CEACAM20: variants seen among roughly 807,000 people sequenced by gnomAD.
The protein encoded by CEACAM20 is cell adhesion molecule CEACAM20.
CEACAM20 carries 50 observed loss-of-function variants against 61.2 expected under a neutral mutation model. The observed-to-expected ratio is 0.82, with a 90% CI of 0.65 to 1.03. The LOEUF (loss-of-function observed/expected upper bound fraction) is 1.03, where lower values mean the gene tolerates loss of function less well. Among genes scored for constraint, CEACAM20 ranks in the 50% least tolerant of loss-of-function variants. The pLI is 0.00. For missense variants in CEACAM20, 683 were observed against 736.4 expected (o/e 0.93, Z 0.84); for synonymous variants, 282 against 287.7 (o/e 0.98, Z 0.20).
chr19:44,527,199 TG>T (rs1971556339), intron 1 of CEACAM20, among the ~76,000 whole-genome samples: 1 of 152,164 alleles, frequency 6.6e-6, no homozygotes, highest in African/African-American at 2.4e-5. Context: ...ATCTGGTGGT[TG>T]TGAAGGCTGA....
intron 11 of CEACAM20, among the ~76,000 whole-genome samples, chr19:44,510,634 G>GAA (rs1970967691): frequency 6.9e-6 from 1 of 145,624 alleles, no homozygotes; most frequent in Non-Finnish European, 1.5e-5. Context: ...AAGAAAGAAA[G>GAA]AGAAGAAAGA....
chr19:44,511,534 G>T, intron 10 of CEACAM20, 103 bp downstream of exon 10: 1 of 1,190,116 alleles, frequency 8.4e-7, no homozygotes, highest in Non-Finnish European at 1.2e-6. Context: ...GATGTGCCAT[G>T]AAATGTTTAG....
rs767634070 is a variant in CEACAM20 at position 44,517,021 on chromosome 19, C to T, written c.1234G>A (p.Gly412Arg). Reference sequence around the variant, plus strand: ...TTGGAGGCTGTGCAGTTGTAGATCCCGTCGTGTTCCCAGGTCAGAGCCCTG... The same window carrying T: ...TTGGAGGCTGTGCAGTTGTAGATCCTGTCGTGTTCCCAGGTCAGAGCCCTG... ...IIRALTWEHD[G>R]IYNCTASNSL... is the part of the protein sequence containing the mutation. Residue 412 changes from glycine to arginine, a missense_variant, in exon 6 of 12, where the codon GGG (glycine) becomes AGG (arginine). Gly to Arg is a moderately radical substitution (Grantham distance 125). Transcript: ENST00000614924. 4.0e-5 allele frequency: 64 copies of T among 1,596,702 alleles called. No individual in the cohort carries two copies. Among genetic ancestry groups the T allele is most frequent in the African/African-American group, 5.4e-5 (4 of 74,658 alleles).
In CEACAM20 at chr19:44,510,508, G is replaced by C. The variant is rs28673570; in HGVS notation, c.1737+522C>G. On this transcript the variant is annotated intron_variant, in intron 11 of 11. Coordinates refer to ENST00000614924, the MANE Select transcript of CEACAM20 (RefSeq NM_001102597.3). ...AGTCTGGGTGATGGAGCAAGACCCTGTCTCAAAAAAAAAAAGAAAGATGAA... is the reference window on the plus strand; with the variant it reads ...AGTCTGGGTGATGGAGCAAGACCCTCTCTCAAAAAAAAAAAGAAAGATGAA... Among the ~76,000 whole-genome samples, 719 of 127,492 alleles carry C rather than the reference G, an allele frequency of 5.6e-3. 12 individuals carry two copies. The highest frequency in any genetic ancestry group is 0.019 in the African/African-American group (679 of 35,254). 83.6% of individuals were successfully genotyped at this position (127,492 alleles called of 152,430 possible).
intron 5 of CEACAM20, among the ~76,000 whole-genome samples, chr19:44,518,103 A>AAAGAAAGAAAGAAAGG (rs1971232127): frequency 2.3e-5 from 1 of 42,870 alleles, no homozygotes; most frequent in African/African-American, 8.5e-5. Flanking sequence ...AGAAAGAAAG[A>AAAGAAAGAAAGAAAGG]AAGGAAGGAA....
chr19:44,511,159 C>A lies in CEACAM20; in HGVS notation c.1612-4G>T. ...GGCTTGCTGAAGGCAGCTTCGTCTG[C>A]AAGTAAGCAGAGAAATTAGGCAGGG... On this transcript the variant is annotated splice_polypyrimidine_tract_variant and splice_region_variant and intron_variant, in intron 10 of 11. Coordinates refer to ENST00000614924, the MANE Select transcript of CEACAM20 (RefSeq NM_001102597.3). The A allele has an allele frequency of 1.9e-6, 3 of 1,613,326 alleles. No homozygotes were observed. Among genetic ancestry groups the A allele is most frequent in the Non-Finnish European group, 2.5e-6 (3 of 1,179,676 alleles).
At chr19:44,527,045 C>G (rs1044401710) in intron 1 of CEACAM20, among the ~76,000 whole-genome samples, 2 of 152,172 alleles carry the variant, frequency 1.3e-5, no homozygotes, top group Non-Finnish European at 2.9e-5. Flanking sequence ...ATTCCCTGCC[C>G]AGTGAGTGAA....
rs1408442342 is a variant in CEACAM20 at position 44,525,184 on chromosome 19, G to A, written c.113C>T (p.Pro38Leu). Residue 38 changes from proline (P) to leucine (L), a missense_variant, in exon 2 of 12, where the codon CCA becomes CTA. Pro to Leu is a moderately conservative substitution (Grantham distance 98). Coordinates refer to ENST00000614924, the MANE Select transcript of CEACAM20 (RefSeq NM_001102597.3). ...ATCCTCACTTTGGGTGGCATCAAGT[G>A]GGTTGGCATTGAGGGTGAGCTGGGC... ...AAAQLTLNAN[P>L]LDATQSEDVV... 6.2e-7 allele frequency: 1 copy of A among 1,610,290 alleles called. No homozygotes were observed. The highest frequency in any genetic ancestry group is 1.3e-5 in the African/African-American group (1 of 74,600).
At chr19:44,524,881 C>T (rs570448676) in intron 2 of CEACAM20, among the ~76,000 whole-genome samples, 1 of 151,810 alleles carries the variant, frequency 6.6e-6, no homozygotes, top group African/African-American at 2.4e-5. Flanking sequence ...GCACCCAGCC[C>T]CCCTACCCAC....
At chr19:44,528,806 CCT>C (rs1971617069) in intron 1 of CEACAM20, among the ~76,000 whole-genome samples, 1 of 149,388 alleles carries the variant, frequency 6.7e-6, no homozygotes, top group Non-Finnish European at 1.5e-5. Context: ...TCTCTCTCTG[CCT>C]CTGTCACTCT....
At chr19:44,526,811 T>C (rs746256710) in intron 1 of CEACAM20, among the ~76,000 whole-genome samples, 1 of 144,416 alleles carries the variant, frequency 6.9e-6, no homozygotes, top group Non-Finnish European at 1.5e-5. Context: ...GAGGAAGAGG[T>C]TGTCGTGAGC....
At position 44,528,956 on chromosome 19, in the gene CEACAM20, C is replaced by CTTTTTTTT. The variant is rs71171255; in HGVS notation, c.52+494_52+501dup. 2.3e-3 allele frequency among the ~76,000 whole-genome samples: 216 copies of CTTTTTTTT among 92,604 alleles called. 3 individuals are homozygous for CTTTTTTTT. Among genetic ancestry groups the CTTTTTTTT allele is most frequent in the Non-Finnish European group, 3.4e-3 (171 of 50,618 alleles). The allele number at this position is 92,604 out of a possible 152,430, so 60.8% of individuals were successfully genotyped here. On this transcript the variant is annotated intron_variant, in intron 1 of 11. Transcript: ENST00000614924. ...TATTTCTGTATTTCTCTCTTTCTTT[C>CTTTTTTTT]TTTTTTTTTTTTTTTTTTTTGAGAC...
intron 6 of CEACAM20, among the ~76,000 whole-genome samples, chr19:44,515,637 G>A (rs1053715286): frequency 1.1e-4 from 17 of 152,122 alleles, no homozygotes; most frequent in Admixed American, 1.1e-3. Flanking sequence ...ATATGGGAAA[G>A]TTGGATTCAG....
In CEACAM20 at chr19:44,517,359, A is replaced by G. The variant is rs146906576; in HGVS notation, c.1031-135T>C. The G allele has an allele frequency of 3.3e-5, 38 of 1,139,982 alleles. 1 individual carries two copies. In the African/African-American group the frequency reaches 4.0e-4, roughly 12 times the overall value. The allele number at this position is 1,139,982 out of a possible 1,614,324, so 70.6% of individuals were successfully genotyped here. A position where few individuals can be genotyped will look rare whatever the true frequency, so the allele number is the denominator to read the frequency against. On this transcript the variant is annotated intron_variant, in intron 5 of 11. Coordinates refer to ENST00000614924, the MANE Select transcript of CEACAM20 (RefSeq NM_001102597.3). ...CCTTTTCCTCCTTAGCTCTCTGACA[A>G]GCAGAGTGTGGTCCACAACACTGGG... is the stretch of plus-strand genomic sequence containing the variant.
At chr19:44,527,287 A>G (rs904946668) in intron 1 of CEACAM20, among the ~76,000 whole-genome samples, 4 of 140,504 alleles carry the variant, frequency 2.8e-5, no homozygotes, top group Non-Finnish European at 4.7e-5. Flanking sequence ...GATGATGATG[A>G]TGGTGGTGGT....
In CEACAM20 at chr19:44,525,089, T is replaced by G. The variant is rs369468551; in HGVS notation, c.196+12A>C. On this transcript the variant is annotated intron_variant, in intron 2 of 11. Coordinates refer to ENST00000614924, the MANE Select transcript of CEACAM20 (RefSeq NM_001102597.3). ...AGAGATCAGAATGACCGTCTTGTTT[T>G]CTGGCCCCTACCTCTGGATCTGCCA... 1,016 of 1,609,334 alleles carry G rather than the reference T, an allele frequency of 6.3e-4. 6 individuals are homozygous for G. In the African/African-American group the frequency reaches 0.012, roughly 19 times the overall value.
chr19:44,522,791 G>A lies in CEACAM20; in HGVS notation c.594C>T (p.Ala198=). Residue 198 remains alanine, a synonymous_variant, in exon 4 of 12, where the codon GCC becomes GCT. Transcript: ENST00000614924. ...TGGAGTCAAGGAGAAACCAAGTATA[G>A]GCACAGGGTGGGTGAGACTTTGTTT... ...LAETKSHPPC[A]YTWFLLDSIL... 6.2e-7 allele frequency: 1 copy of A among 1,613,784 alleles called. No individual in the cohort carries two copies. Among genetic ancestry groups the A allele is most frequent in the African/African-American group, 1.3e-5 (1 of 75,020 alleles).
chr19:44,523,486 C>T (rs562105313), intron 3 of CEACAM20, among the ~76,000 whole-genome samples: 3 of 152,180 alleles, frequency 2.0e-5, no homozygotes, highest in South Asian at 2.1e-4. Flanking sequence ...CACCCCTATC[C>T]AGGCAAGGTT....
chr19:44,512,242 G>A (rs1038739967), intron 8 of CEACAM20, among the ~76,000 whole-genome samples, 164 bp from the exon 9 acceptor site: 1 of 152,130 alleles, frequency 6.6e-6, no homozygotes, highest in Non-Finnish European at 1.5e-5. Context: ...TGGCAATCAA[G>A]GTCTGGGTTA....
Sources: gnomAD v4.1 joint callset for allele counts (sites outside exome capture counted in the v4.1 genomes callset) on GRCh38, gnomAD v4.1.1 for gene constraint, MANE v1.5 for transcripts, NCBI Gene and HGNC (gene_info 2026-07-23, HGNC 2026-07-21) for gene names.